Variants in TBC1D30 observed in about 807,000 individuals in gnomAD.
TBC1D30 encodes TBC1 domain family member 30, also known as TBC1 domain family, member 30.
TBC1D30 carries 31 observed loss-of-function variants against 63.2 expected under a neutral mutation model. That is an observed-to-expected ratio of 0.49 (90% CI 0.37 to 0.66). TBC1D30 has a LOEUF of 0.66. Among genes scored for constraint, TBC1D30 ranks in the 30% least tolerant of loss-of-function variants. The pLI is 0.00. For missense variants in TBC1D30, 810 were observed against 953.6 expected, an observed-to-expected ratio of 0.85 and a Z score of 1.98; for synonymous variants, 307 against 361.5, an observed-to-expected ratio of 0.85 and a Z score of 1.71.
intron 1 of TBC1D30, among the ~76,000 whole-genome samples, chr12:64,773,271 G>A (rs935498828): frequency 6.6e-6 from 1 of 151,922 alleles, no homozygotes; most frequent in African/African-American, 2.4e-5. Context: ...CACTGGGCAG[G>A]ACCTCTCAAC....
chr12:64,866,978 A>G (rs931617658), intron 10 of TBC1D30, 75 bp downstream of exon 10: 86 of 1,464,776 alleles, frequency 5.9e-5, no homozygotes, highest in Non-Finnish European at 7.7e-5. Flanking sequence ...TGTGTCCTAT[A>G]GATGCCCCAG....
At chr12:64,858,966 T>C (rs2136445035) in intron 8 of TBC1D30, among the ~76,000 whole-genome samples, 1 of 152,174 alleles carries the variant, frequency 6.6e-6, no homozygotes, top group African/African-American at 2.4e-5. Flanking sequence ...AAAGCCTTTC[T>C]TGAGGGAATT....
At chr12:64,844,058 T>C (rs1279844032) in intron 8 of TBC1D30, among the ~76,000 whole-genome samples, 1 of 152,204 alleles carries the variant, frequency 6.6e-6, no homozygotes, top group African/African-American at 2.4e-5. Context: ...CCTTCCTAAG[T>C]GCTGGGATTA....
chr12:64,787,230 TTGC>T (rs1871647009), intron 2 of TBC1D30: 1 of 231,320 alleles, frequency 4.3e-6, no homozygotes, highest in South Asian at 1.6e-4. Flanking sequence ...AATTGTTAAA[TTGC>T]TGATACACAT....
intron 8 of TBC1D30, among the ~76,000 whole-genome samples, chr12:64,847,580 TTTA>T (rs1341000392): frequency 2.0e-5 from 3 of 151,406 alleles, no homozygotes; most frequent in African/African-American, 7.3e-5. Context: ...ATGTTGTATT[TTTA>T]TTATTATTAG....
chr12:64,789,932 GGTAT>G lies in TBC1D30; in HGVS notation c.643+3891_643+3894del, dbSNP rs368478325. ...TTATTTCTCACAGCAACTTCAAAAT[GGTAT>G]GTAGCTTTAGGCATATTTTATTAGG... On this transcript the variant is annotated intron_variant, in intron 2 of 12. Coordinates refer to the TBC1D30 transcript ENST00000542120. Among the ~76,000 whole-genome samples the G allele has an allele frequency of 3.4e-3, 521 of 152,292 alleles. 6 individuals carry two copies. Among genetic ancestry groups the G allele is most frequent in the African/African-American group, 0.012 (483 of 41,570 alleles).
intron 2 of TBC1D30, among the ~76,000 whole-genome samples, chr12:64,810,615 A>C (rs1232033669): frequency 2.6e-5 from 4 of 152,098 alleles, no homozygotes; most frequent in African/African-American, 7.2e-5. Flanking sequence ...AAAACAAAAC[A>C]AAACCAAAAA....
chr12:64,826,492 C>CTAT (rs1565660298), intron 1 of TBC1D30, among the ~76,000 whole-genome samples: 1 of 152,116 alleles, frequency 6.6e-6, no homozygotes, highest in Admixed American at 6.5e-5. Flanking sequence ...CATGATTATA[C>CTAT]GCTCCTCCAT....
At chr12:64,817,526 T>G (rs1873617739) in intron 2 of TBC1D30, among the ~76,000 whole-genome samples, 1 of 152,180 alleles carries the variant, frequency 6.6e-6, no homozygotes, top group African/African-American at 2.4e-5. Context: ...GAGCACACGT[T>G]CTACATTGTT....
At chr12:64,868,957 T>A (rs1044117451) in intron 10 of TBC1D30, among the ~76,000 whole-genome samples, 3 of 152,150 alleles carry the variant, frequency 2.0e-5, no homozygotes. Flanking sequence ...GTGCTCTGAA[T>A]CACATGCATG....
intron 1 of TBC1D30, among the ~76,000 whole-genome samples, chr12:64,766,512 A>G (rs1417725393): frequency 1.3e-5 from 2 of 152,204 alleles, no homozygotes; most frequent in Non-Finnish European, 2.9e-5. Flanking sequence ...ACAATTATAA[A>G]TATATATGGA....
chr12:64,780,946 G>T (rs2136288880), exon 1 of TBC1D30: 1 of 1,058,260 alleles, frequency 9.4e-7, no homozygotes, highest in Non-Finnish European at 1.2e-6. Flanking sequence ...CGCGCCTCCG[G>T]GGAGCGGCGG....
chr12:64,879,302 T>C lies in TBC1D30; in HGVS notation c.*3514T>C, dbSNP rs1330567325. On this transcript the variant is annotated 3_prime_UTR_variant, in exon 12 of 12. Coordinates refer to ENST00000539867, the MANE Select transcript of TBC1D30 (RefSeq NM_015279.2). ...TGACTAATATTCCCTAATGTGTTCA[T>C]GCCAGAATTCACATAACCAGTACCT... 6.6e-6 allele frequency: 1 copy of C among 152,248 alleles called. No individual in the cohort carries two copies. Among genetic ancestry groups the C allele is most frequent in the African/African-American group, 2.4e-5 (1 of 41,468 alleles). 9.4% of individuals were successfully genotyped at this position (152,248 alleles called of 1,614,324 possible).
chr12:64,777,899 A>C (rs1400557947), upstream of TBC1D30, among the ~76,000 whole-genome samples: 1 of 152,212 alleles, frequency 6.6e-6, no homozygotes, highest in Non-Finnish European at 1.5e-5. Flanking sequence ...TGCTGGGATT[A>C]CAGGTGTGTG....
chr12:64,843,558 C>T (rs897262991), intron 8 of TBC1D30, 73 bp downstream of exon 8: 27 of 1,139,184 alleles, frequency 2.4e-5, no homozygotes, highest in Admixed American at 6.2e-5. Flanking sequence ...GCCAGAGCAG[C>T]GGTCTTGAGA....
upstream of TBC1D30, among the ~76,000 whole-genome samples, chr12:64,821,786 T>C (rs1009803554): frequency 6.6e-6 from 1 of 152,158 alleles, no homozygotes; most frequent in Non-Finnish European, 1.5e-5. Context: ...CTGTAAAAAG[T>C]TGATGGTTGA....
intron 2 of TBC1D30, chr12:64,787,319 C>T (rs539410170): frequency 5.2e-6 from 5 of 968,134 alleles, no homozygotes; most frequent in Non-Finnish European, 6.1e-6. Context: ...ATTCTGCTAA[C>T]ATTTAACTAT....
At chr12:64,834,255 A>G (rs532005891) in intron 5 of TBC1D30, among the ~76,000 whole-genome samples, 3 of 152,200 alleles carry the variant, frequency 2.0e-5, no homozygotes, top group Non-Finnish European at 4.4e-5. Flanking sequence ...CATGGCCTCT[A>G]CAAGTCATAA....
At chr12:64,870,179 T>C (rs1268569054) in intron 10 of TBC1D30, among the ~76,000 whole-genome samples, 1 of 152,258 alleles carries the variant, frequency 6.6e-6, no homozygotes, top group African/African-American at 2.4e-5. Context: ...AATGCACTTT[T>C]AATGACTGTC....
Sources: allele counts gnomAD v4.1 joint callset (sites outside exome capture counted in the v4.1 genomes callset), GRCh38; gene constraint gnomAD v4.1.1; transcripts MANE v1.5; gene names NCBI Gene and HGNC (gene_info 2026-07-23, HGNC 2026-07-21).